The following ATP8A2 variants were observed in gnomAD, a reference collection of about 807,000 sequenced individuals.
ATP8A2 encodes the protein phospholipid-transporting ATPase IB.
ATP8A2 carries 100 observed loss-of-function variants against 165.6 expected under a neutral mutation model. That is an observed-to-expected ratio of 0.60 (90% CI 0.51 to 0.71). The LOEUF (loss-of-function observed/expected upper bound fraction) is 0.71, where lower values mean the gene tolerates loss of function less well. Ranked by LOEUF, ATP8A2 falls within the 30% of genes least tolerant of loss-of-function variation. ATP8A2 has a pLI of 0.00. For missense variants in ATP8A2, 1,227 were observed against 1,479.5 expected, an observed-to-expected ratio of 0.83 and a Z score of 2.80; for synonymous variants, 543 against 548.8, an observed-to-expected ratio of 0.99 and a Z score of 0.15.
chr13:25,631,420 A>G (rs1000556916), intron 24 of ATP8A2, among the ~76,000 whole-genome samples: 1 of 152,234 alleles, frequency 6.6e-6, no homozygotes, highest in African/African-American at 2.4e-5. Flanking sequence ...GATGATTTAT[A>G]GTAAATTTAA....
At chr13:25,533,674 G>T (rs1029116231) in intron 6 of ATP8A2, among the ~76,000 whole-genome samples, 8 of 152,146 alleles carry the variant, frequency 5.3e-5, no homozygotes, top group African/African-American at 1.9e-4. Context: ...GGGTGGAAAG[G>T]TCATTAACTA....
In ATP8A2 at chr13:25,799,106, C is replaced by G. The variant is rs555462869; in HGVS notation, c.2679+24147C>G. On this transcript the variant is annotated intron_variant, in intron 27 of 36. Transcript: ENST00000381655. ...GAAAATAAAGATTAAAAAAAAAACA[C>G]AGTCAGTTATTTTTATATATTGAAT... 8.0e-4 allele frequency among the ~76,000 whole-genome samples: 121 copies of G among 151,688 alleles called. 1 individual carries two copies. The highest frequency in any genetic ancestry group is 3.1e-3 in the South Asian group (15 of 4,798).
chr13:25,419,363 T>C (rs1593281297), intron 1 of ATP8A2, among the ~76,000 whole-genome samples: 2 of 152,188 alleles, frequency 1.3e-5, no homozygotes, highest in East Asian at 3.9e-4. Flanking sequence ...ACTAGGCTCA[T>C]GGCTGAGGCC....
intron 24 of ATP8A2, among the ~76,000 whole-genome samples, chr13:25,667,061 G>A (rs1427861055): frequency 6.6e-6 from 1 of 152,082 alleles, no homozygotes; most frequent in Non-Finnish European, 1.5e-5. Flanking sequence ...GTACATTCAT[G>A]TTTTGCAACC....
chr13:25,554,529 ATGTG>A (rs71077486), intron 12 of ATP8A2, among the ~76,000 whole-genome samples: 2,196 of 140,384 alleles, frequency 0.016, 25 homozygotes, highest in East Asian at 0.063. Flanking sequence ...GTGTGTGTGT[ATGTG>A]TGTGTGTGTG....
chr13:25,435,973 A>ATGTG (rs1244404370), intron 1 of ATP8A2, among the ~76,000 whole-genome samples: 1 of 58,242 alleles, frequency 1.7e-5, no homozygotes, highest in Non-Finnish European at 4.3e-5. Flanking sequence ...GTGTGTGTGT[A>ATGTG]TGTGTGTGTG....
intron 33 of ATP8A2, among the ~76,000 whole-genome samples, chr13:25,936,823 G>A (rs564331720): frequency 4.6e-5 from 7 of 152,160 alleles, no homozygotes; most frequent in Non-Finnish European, 1.0e-4. Context: ...CTCCACTGAT[G>A]GTATTGTCTA....
intron 33 of ATP8A2, among the ~76,000 whole-genome samples, chr13:25,910,909 T>C (rs958477602): frequency 1.3e-5 from 2 of 151,094 alleles, no homozygotes; most frequent in African/African-American, 4.9e-5. Flanking sequence ...ATTAAATGGA[T>C]GATTATCCCT....
In ATP8A2 at chr13:25,748,119, G is replaced by A. The variant is rs377164507; in HGVS notation, c.2385-20927G>A. 2.6e-5 allele frequency among the ~76,000 whole-genome samples: 4 copies of A among 152,302 alleles called. No homozygotes were observed. The South Asian group carries it at 8.3e-4, about 32-fold the overall frequency. On this transcript the variant is annotated intron_variant, in intron 25 of 36. Transcript: ENST00000381655. The stretch of plus-strand genomic sequence containing the variant: ...TATTTGTATCATCATATTTGTTTAA[G>A]CTCTGGGTTTCCAAAACAGTGTATA...
chr13:25,796,015 T>G (rs944253273), intron 27 of ATP8A2, among the ~76,000 whole-genome samples: 1 of 151,958 alleles, frequency 6.6e-6, no homozygotes, highest in African/African-American at 2.4e-5. Context: ...AGTAGCACGA[T>G]CTTGGCTCAC....
In ATP8A2 at chr13:25,952,893, A is replaced by G. The variant is rs1955408665; in HGVS notation, c.3184-8682A>G. Among the ~76,000 whole-genome samples, 3 of 152,300 alleles carry G rather than the reference A, an allele frequency of 2.0e-5. 1 individual carries two copies. The South Asian group carries it at 6.2e-4, about 32-fold the overall frequency. On this transcript the variant is annotated intron_variant, in intron 33 of 36. Coordinates refer to ENST00000381655, the MANE Select transcript of ATP8A2 (RefSeq NM_016529.6). ...CCTTCCTAAAAAGGTTCATAGTAAAAAGAGAAGGAGATTTACCTTTTGACA... is the reference window on the plus strand; with the variant it reads ...CCTTCCTAAAAAGGTTCATAGTAAAGAGAGAAGGAGATTTACCTTTTGACA...
intron 1 of ATP8A2, among the ~76,000 whole-genome samples, chr13:25,431,482 A>G (rs2138149905): frequency 6.7e-6 from 1 of 150,092 alleles, no homozygotes; most frequent in East Asian, 2.0e-4. Context: ...GAATTCTAAT[A>G]GTAACTTTTA....
intron 12 of ATP8A2, among the ~76,000 whole-genome samples, chr13:25,554,782 A>C (rs2138075912): frequency 6.6e-6 from 1 of 151,922 alleles, no homozygotes. Context: ...CTGGTCTCGA[A>C]CTCCTGACTT....
At chr13:25,856,464 GAC>G (rs1952169115) in intron 30 of ATP8A2, among the ~76,000 whole-genome samples, 1 of 152,142 alleles carries the variant, frequency 6.6e-6, no homozygotes, top group African/African-American at 2.4e-5. Flanking sequence ...AGGTGATGGA[GAC>G]ACTAAAAGCC....
At chr13:25,543,750 C>A (rs567269704) in intron 10 of ATP8A2, among the ~76,000 whole-genome samples, 13 of 152,238 alleles carry the variant, frequency 8.5e-5, no homozygotes, top group Non-Finnish European at 1.5e-4. Context: ...GATTTTATAG[C>A]AAATTGCCTT....
intron 1 of ATP8A2, among the ~76,000 whole-genome samples, chr13:25,458,069 G>A (rs1018946291): frequency 1.7e-4 from 26 of 152,300 alleles, no homozygotes; most frequent in African/African-American, 6.3e-4. Flanking sequence ...GCAAATGAAT[G>A]TGTTTTTCTC....
At chr13:25,486,647 A>G (rs988743835) in intron 2 of ATP8A2, among the ~76,000 whole-genome samples, 1 of 152,230 alleles carries the variant, frequency 6.6e-6, no homozygotes, top group Non-Finnish European at 1.5e-5. Context: ...ACATGGCTCC[A>G]CATATACCCG....
At chr13:25,674,116 TA>T (rs1479898869) in intron 24 of ATP8A2, among the ~76,000 whole-genome samples, 1 of 152,118 alleles carries the variant, frequency 6.6e-6, no homozygotes, top group Non-Finnish European at 1.5e-5. Context: ...TGTCTTTAGT[TA>T]AAAGCCAACC....
chr13:25,514,445 G>A lies in ATP8A2; in HGVS notation c.222-15554G>A, dbSNP rs577994261. ...AGAGGAAGTGTAGCAGGATGATGGG[G>A]TGCTCTGTGAGTGCAGGCCAGATAG... On this transcript the variant is annotated intron_variant, in intron 2 of 36. Coordinates refer to ENST00000381655, the MANE Select transcript of ATP8A2 (RefSeq NM_016529.6). Among the ~76,000 whole-genome samples, 4 of 152,290 alleles carry A rather than the reference G, an allele frequency of 2.6e-5. No homozygotes were observed. In the East Asian group the frequency reaches 7.7e-4, roughly 29 times the overall value.
Sources: gnomAD v4.1 joint callset for allele counts (sites outside exome capture counted in the v4.1 genomes callset) on GRCh38, gnomAD v4.1.1 for gene constraint, MANE v1.5 for transcripts, NCBI Gene and HGNC (gene_info 2026-07-23, HGNC 2026-07-21) for gene names.